DAB1: variants seen among roughly 807,000 people sequenced by gnomAD.
The protein encoded by DAB1 is disabled homolog 1.
A neutral mutation model predicts 64.6 loss-of-function variants in DAB1; 15 were observed. That is an observed-to-expected ratio of 0.23 (90% CI 0.16 to 0.36). DAB1 has a LOEUF of 0.36. Ranked by LOEUF, DAB1 falls within the 10% of genes least tolerant of loss-of-function variation. The probability of loss-of-function intolerance (pLI) is 1.00; values close to 1 mark genes in which losing one functional copy is unlikely to be tolerated. For missense variants in DAB1, 596 were observed against 706.7 expected, an observed-to-expected ratio of 0.84 and a Z score of 1.78; for synonymous variants, 235 against 251.9, an observed-to-expected ratio of 0.93 and a Z score of 0.64.
chr1:58,532,688 CA>C (rs1646453710), intron 1 of DAB1, among the ~76,000 whole-genome samples: 1 of 152,060 alleles, frequency 6.6e-6, no homozygotes, highest in Non-Finnish European at 1.5e-5. Context: ...CCACCATGCT[CA>C]GCTAATTTTT....
At chr1:57,323,951 A>T (rs978085174) in intron 1 of DAB1, among the ~76,000 whole-genome samples, 1 of 152,098 alleles carries the variant, frequency 6.6e-6, no homozygotes, top group African/African-American at 2.4e-5. Context: ...ATTTCTCTCT[A>T]ATCTGAGAGC....
intron 14 of DAB1, among the ~76,000 whole-genome samples, chr1:57,009,196 C>T (rs1646188043): frequency 1.3e-5 from 2 of 152,184 alleles, no homozygotes; most frequent in Non-Finnish European, 2.9e-5. Flanking sequence ...CAAGGTTGAG[C>T]ACGTGAAATA....
At chr1:57,674,786 T>G (rs905987288) in intron 6 of DAB1, among the ~76,000 whole-genome samples, 4 of 152,214 alleles carry the variant, frequency 2.6e-5, no homozygotes, top group Non-Finnish European at 5.9e-5. Context: ...ACTATTATTG[T>G]TCTCCCCTTG....
At chr1:57,351,949 A>G (rs548867121) in intron 1 of DAB1, among the ~76,000 whole-genome samples, 1 of 152,240 alleles carries the variant, frequency 6.6e-6, no homozygotes. Context: ...AGCTATAGTC[A>G]GAAAGAAAAT....
At chr1:57,106,676 C>T (rs192664401) in intron 4 of DAB1, among the ~76,000 whole-genome samples, 4 of 152,030 alleles carry the variant, frequency 2.6e-5, no homozygotes, top group East Asian at 3.9e-4. Context: ...TTGATCCAAC[C>T]GTAGGAAAAG....
intron 1 of DAB1, among the ~76,000 whole-genome samples, chr1:57,402,715 A>G (rs1683345492): frequency 6.6e-6 from 1 of 152,172 alleles, no homozygotes; most frequent in Non-Finnish European, 1.5e-5. Flanking sequence ...GGGCATAGTT[A>G]CCTACTTCCT....
chr1:57,308,717 G>A lies in DAB1; in HGVS notation c.-136-17551C>T, dbSNP rs187452366. Among the ~76,000 whole-genome samples the A allele has an allele frequency of 2.5e-4, 38 of 152,242 alleles. 1 individual carries two copies. Among genetic ancestry groups the A allele is most frequent in the African/African-American group, 7.5e-4 (31 of 41,540 alleles). On this transcript the variant is annotated intron_variant, in intron 1 of 14. Coordinates refer to ENST00000371236, the MANE Select transcript of DAB1 (RefSeq NM_001365792.1). ...ATGGCTAAAAAGTACTTTTCCATCT[G>A]TGTATCCAAATGAAGTTCTCTCAAT...
intron 4 of DAB1, among the ~76,000 whole-genome samples, chr1:58,251,763 T>C (rs749431741): frequency 6.6e-6 from 1 of 152,178 alleles, no homozygotes; most frequent in African/African-American, 2.4e-5. Flanking sequence ...GGGTTAGAGA[T>C]GTAACTGTTA....
chr1:57,528,150 T>C (rs1570598784), intron 7 of DAB1, among the ~76,000 whole-genome samples: 1 of 152,136 alleles, frequency 6.6e-6, no homozygotes, highest in Middle Eastern at 3.4e-3. Context: ...AGCAAAGAAA[T>C]GGGGAATTTC....
At chr1:58,336,546 G>A (rs1663121118) in intron 4 of DAB1, among the ~76,000 whole-genome samples, 1 of 152,138 alleles carries the variant, frequency 6.6e-6, no homozygotes, top group African/African-American at 2.4e-5. Flanking sequence ...ATTTTGCAAT[G>A]AGAAAATCAA....
At chr1:58,348,623 CCT>C (rs1644023106) in intron 3 of DAB1, among the ~76,000 whole-genome samples, 2 of 152,090 alleles carry the variant, frequency 1.3e-5, no homozygotes, top group Admixed American at 6.6e-5. Flanking sequence ...CTCCTGTGGC[CCT>C]GATTTATCCA....
intron 3 of DAB1, among the ~76,000 whole-genome samples, chr1:58,486,432 CT>C (rs1310464917): frequency 6.6e-6 from 1 of 152,172 alleles, no homozygotes; most frequent in Admixed American, 6.5e-5. Flanking sequence ...GTCCTACATG[CT>C]AAATTTCTAT....
chr1:58,399,505 G>A (rs1042647162), intron 3 of DAB1, among the ~76,000 whole-genome samples: 2 of 152,176 alleles, frequency 1.3e-5, no homozygotes, highest in African/African-American at 4.8e-5. Context: ...AAACCAAGAC[G>A]TGTTTACAAT....
chr1:57,087,042 T>C (rs2100646780), intron 4 of DAB1, among the ~76,000 whole-genome samples: 1 of 152,156 alleles, frequency 6.6e-6, no homozygotes, highest in Middle Eastern at 3.4e-3. Context: ...TTGGCAGAGG[T>C]AAGTGACTGA....
intron 5 of DAB1, among the ~76,000 whole-genome samples, chr1:58,088,321 G>A (rs1268100891): frequency 2.6e-5 from 4 of 152,170 alleles, no homozygotes; most frequent in Admixed American, 1.3e-4. Flanking sequence ...ACGGGTTAGC[G>A]ACATTTTGCT....
chr1:58,097,628 T>A (rs1348543995), intron 5 of DAB1, among the ~76,000 whole-genome samples: 1 of 151,924 alleles, frequency 6.6e-6, no homozygotes, highest in Non-Finnish European at 1.5e-5. Context: ...GAAAAAAAGA[T>A]AATGAGACCT....
intron 5 of DAB1, chr1:58,048,457 A>C (rs1458478145): frequency 8.9e-7 from 1 of 1,121,648 alleles, no homozygotes; most frequent in Non-Finnish European, 1.4e-6. Context: ...CGCCATAGCC[A>C]CTGCCCTGGT....
At chr1:57,496,227 C>T (rs1644228209) in intron 7 of DAB1, among the ~76,000 whole-genome samples, 1 of 152,134 alleles carries the variant, frequency 6.6e-6, no homozygotes, top group Non-Finnish European at 1.5e-5. Flanking sequence ...TACCTCCCCA[C>T]CCTGCCTCTG....
At chr1:58,530,177 G>A (rs1001540713) in intron 1 of DAB1, among the ~76,000 whole-genome samples, 20 of 152,126 alleles carry the variant, frequency 1.3e-4, no homozygotes, top group African/African-American at 3.9e-4. Context: ...CACGGCGCCC[G>A]GCCAATACCA....
Sources: allele counts gnomAD v4.1 joint callset (sites outside exome capture counted in the v4.1 genomes callset), GRCh38; gene constraint gnomAD v4.1.1; transcripts MANE v1.5; gene names NCBI Gene and HGNC (gene_info 2026-07-23, HGNC 2026-07-21).